Variants in CATSPERT observed in about 807,000 individuals in gnomAD.
CATSPERT encodes the protein catsper channel auxiliary subunit tau.
chr2:201,547,837 A>G, the CATSPERT span, among the ~76,000 whole-genome samples: 26 of 152,148 alleles, frequency 1.7e-4, no homozygotes, highest in African/African-American at 5.5e-4. Flanking sequence ...GTAACCTCAG[A>G]AGGGTACACA....
chr2:201,545,708 C>T, the CATSPERT span: 3 of 876,276 alleles, frequency 3.4e-6, no homozygotes, highest in African/African-American at 3.6e-5. Flanking sequence ...TTTCCTCTGC[C>T]TTCATAACTA....
At chr2:201,536,380 C>A in the CATSPERT span, 1 of 1,512,362 alleles carries the variant, frequency 6.6e-7, no homozygotes, top group African/African-American at 1.4e-5. Flanking sequence ...GAAAATTTTA[C>A]AAATTAAGAA....
the CATSPERT span, among the ~76,000 whole-genome samples, chr2:201,537,776 A>G: frequency 1.3e-5 from 2 of 151,914 alleles, no homozygotes; most frequent in Non-Finnish European, 2.9e-5. Flanking sequence ...AAGTGATGGG[A>G]CTGGGATTGG....
the CATSPERT span, among the ~76,000 whole-genome samples, chr2:201,597,542 T>TTCTCTGCTTGGGTTTC: frequency 6.6e-6 from 1 of 152,082 alleles, no homozygotes; most frequent in Non-Finnish European, 1.5e-5. Flanking sequence ...AAGACCGCCA[T>TTCTCTGCTTGGGTTTC]TCTCTGCTTG....
At chr2:201,527,000 C>T in the CATSPERT span, among the ~76,000 whole-genome samples, 1 of 152,116 alleles carries the variant, frequency 6.6e-6, no homozygotes, top group Non-Finnish European at 1.5e-5. Flanking sequence ...TAATTCTATA[C>T]CTACAAAACC....
At chr2:201,525,713 G>A in the CATSPERT span, among the ~76,000 whole-genome samples, 1 of 152,028 alleles carries the variant, frequency 6.6e-6, no homozygotes, top group African/African-American at 2.4e-5. Context: ...AAGATTGATA[G>A]GCTGCTAGTT....
the CATSPERT span, among the ~76,000 whole-genome samples, chr2:201,496,906 C>G: frequency 1.3e-5 from 2 of 152,186 alleles, no homozygotes; most frequent in African/African-American, 4.8e-5. Context: ...GGTACTCAGT[C>G]CCCCACACAA....
At chr2:201,560,789 T>C in the CATSPERT span, among the ~76,000 whole-genome samples, 13 of 147,804 alleles carry the variant, frequency 8.8e-5, no homozygotes, top group East Asian at 2.0e-4. Context: ...AAATCTCTCT[T>C]TTTTTTTTTT....
At chr2:201,576,323 G>A in the CATSPERT span, among the ~76,000 whole-genome samples, 10 of 152,318 alleles carry the variant, frequency 6.6e-5, no homozygotes, top group East Asian at 1.3e-3. Context: ...GTTTTCAGCA[G>A]AGGACTCTGT....
the CATSPERT span, among the ~76,000 whole-genome samples, chr2:201,516,972 T>C: frequency 5.4e-5 from 8 of 149,340 alleles, no homozygotes; most frequent in East Asian, 1.6e-3. Flanking sequence ...TCAGGATTGG[T>C]ACTACCTCCT....
the CATSPERT span, among the ~76,000 whole-genome samples, chr2:201,579,512 G>C: frequency 1.3e-5 from 2 of 151,988 alleles, no homozygotes; most frequent in Non-Finnish European, 2.9e-5. Context: ...TCAAACTCCT[G>C]GGCTAAAGCA....
At chr2:201,534,019 A>G in the CATSPERT span, among the ~76,000 whole-genome samples, 1 of 151,094 alleles carries the variant, frequency 6.6e-6, no homozygotes, top group Non-Finnish European at 1.5e-5. Context: ...CCAAGATTAC[A>G]CGGAAAGAGA....
chr2:201,528,595 T>A, the CATSPERT span, among the ~76,000 whole-genome samples: 2 of 152,018 alleles, frequency 1.3e-5, no homozygotes, highest in Non-Finnish European at 2.9e-5. Context: ...AAAAAAGAAA[T>A]CATGTCATTT....
At chr2:201,513,855 C>A in the CATSPERT span, among the ~76,000 whole-genome samples, 4 of 152,132 alleles carry the variant, frequency 2.6e-5, no homozygotes, top group Non-Finnish European at 5.9e-5. Context: ...GGATTCAAAT[C>A]ATAGATATGT....
chr2:201,530,902 T>C, the CATSPERT span, among the ~76,000 whole-genome samples: 1 of 152,072 alleles, frequency 6.6e-6, no homozygotes. Flanking sequence ...TTATAATGTA[T>C]TCCCAGAGCA....
chr2:201,527,201 G>A, the CATSPERT span, among the ~76,000 whole-genome samples: 1 of 152,134 alleles, frequency 6.6e-6, no homozygotes, highest in African/African-American at 2.4e-5. Flanking sequence ...CAGCTAACCA[G>A]GGAGGTGAAA....
the CATSPERT span, among the ~76,000 whole-genome samples, chr2:201,503,209 G>A: frequency 6.6e-6 from 1 of 151,870 alleles, no homozygotes; most frequent in Non-Finnish European, 1.5e-5. Flanking sequence ...TACATAATGA[G>A]TCATATTTTA....
At chr2:201,604,831 G>T in the CATSPERT span, 441 of 471,170 alleles carry the variant, frequency 9.4e-4, no homozygotes, top group African/African-American at 7.8e-3. Context: ...ATATGATTAA[G>T]AAACTCATCC....
the CATSPERT span, among the ~76,000 whole-genome samples, chr2:201,502,232 C>T: frequency 6.6e-6 from 1 of 152,130 alleles, no homozygotes; most frequent in Non-Finnish European, 1.5e-5. Flanking sequence ...CATTTTCTTT[C>T]ATTACTATAA....
Sources: gnomAD v4.1 joint callset for allele counts (sites outside exome capture counted in the v4.1 genomes callset) on GRCh38, gnomAD v4.1.1 for gene constraint, MANE v1.5 for transcripts, NCBI Gene and HGNC (gene_info 2026-07-23, HGNC 2026-07-21) for gene names.